Variants in DGKI observed in about 807,000 individuals in gnomAD.
The protein encoded by DGKI is DAG kinase iota.
Under a neutral mutation model 147.5 loss-of-function variants are expected in DGKI, and 55 were observed. That is an observed-to-expected ratio of 0.37 (90% CI 0.30 to 0.47). The LOEUF is 0.47. Ranked by LOEUF, DGKI falls within the 20% of genes least tolerant of loss-of-function variation. DGKI has a pLI of 1.00. For synonymous variants in DGKI, 469 were observed against 477.1 expected (o/e 0.98, Z 0.22); for missense variants, 1,007 against 1,323.8 (o/e 0.76, Z 3.71).
chr7:137,589,813 A>G (rs1452453108), intron 12 of DGKI, among the ~76,000 whole-genome samples: 1 of 152,194 alleles, frequency 6.6e-6, no homozygotes, highest in Non-Finnish European at 1.5e-5. Flanking sequence ...GGAAGAAGGC[A>G]TTCTCCTTAA....
At chr7:137,476,420 G>C (rs1226170929) in intron 23 of DGKI, among the ~76,000 whole-genome samples, 1 of 151,964 alleles carries the variant, frequency 6.6e-6, no homozygotes, top group Admixed American at 6.5e-5. Context: ...ATTAAATAAA[G>C]CTTAGACTAT....
chr7:137,423,977 T>C (rs1299670871), intron 28 of DGKI, among the ~76,000 whole-genome samples: 6 of 152,212 alleles, frequency 3.9e-5, no homozygotes, highest in African/African-American at 1.4e-4. Flanking sequence ...CAACCCATCA[T>C]CTACTTTAGG....
intron 23 of DGKI, among the ~76,000 whole-genome samples, chr7:137,469,982 G>A (rs1328442872): frequency 1.3e-5 from 2 of 152,208 alleles, no homozygotes; most frequent in East Asian, 3.8e-4. Flanking sequence ...ATAGGTCTAA[G>A]GCGCTGGCAC....
chr7:137,839,616 G>A (rs1044300648), intron 1 of DGKI, among the ~76,000 whole-genome samples: 1 of 152,210 alleles, frequency 6.6e-6, no homozygotes, highest in Non-Finnish European at 1.5e-5. Context: ...ACAGCAGGCA[G>A]AGGTGGCGCT....
chr7:137,609,133 G>T, intron 9 of DGKI, 69 bp from the exon 10 acceptor site: 1 of 1,220,680 alleles, frequency 8.2e-7, no homozygotes, highest in Non-Finnish European at 1.2e-6. Context: ...AGGCAAGGGA[G>T]GTGGAAAACC....
At chr7:137,713,469 A>G (rs1256910043) in intron 1 of DGKI, among the ~76,000 whole-genome samples, 2 of 152,244 alleles carry the variant, frequency 1.3e-5, no homozygotes, top group Non-Finnish European at 2.9e-5. Flanking sequence ...ACCCCATCCA[A>G]TAAATGAAAT....
chr7:137,631,358 A>G (rs192680599), intron 6 of DGKI, among the ~76,000 whole-genome samples: 1 of 152,352 alleles, frequency 6.6e-6, no homozygotes, highest in East Asian at 1.9e-4. Flanking sequence ...GAGGGAGAAA[A>G]GAGTCTGCTC....
intron 12 of DGKI, among the ~76,000 whole-genome samples, chr7:137,588,509 A>G (rs938766163): frequency 1.8e-4 from 25 of 140,638 alleles, no homozygotes; most frequent in African/African-American, 6.3e-4. Flanking sequence ...TGGAGTCTCA[A>G]TCGGTCGTCC....
At chr7:137,805,926 G>C (rs944810555) in intron 1 of DGKI, among the ~76,000 whole-genome samples, 1 of 152,280 alleles carries the variant, frequency 6.6e-6, no homozygotes, top group African/African-American at 2.4e-5. Flanking sequence ...ATGAGTTGGA[G>C]TGGTCTGAAC....
rs1798709704 is a variant in DGKI, at chr7:137,846,134, T to TCTC, written c.401+327_401+328insGAG. On this transcript the variant is annotated intron_variant, in intron 1 of 32. Transcript: ENST00000614521. The surrounding 1 kb of genome is among the most constrained non-coding windows in gnomAD (Gnocchi z 4.0). ...TCTGCAACCCTTTCTCTCTCTCTCT[T>TCTC]TCTCTCTCTCTCTCTCTCTCTCTCT... 2.9e-4 allele frequency among the ~76,000 whole-genome samples: 25 copies of TCTC among 85,380 alleles called. No homozygotes were observed. The highest frequency in any genetic ancestry group is 4.1e-4 in the East Asian group (1 of 2,448). 56.0% of individuals were successfully genotyped at this position (85,380 alleles called of 152,430 possible). A position where few individuals can be genotyped will look rare whatever the true frequency, so the allele number is the denominator to read the frequency against.
intron 23 of DGKI, among the ~76,000 whole-genome samples, chr7:137,477,984 T>C (rs1190945777): frequency 6.6e-6 from 1 of 152,178 alleles, no homozygotes; most frequent in Non-Finnish European, 1.5e-5. Context: ...TAAACAACAA[T>C]CCCCACATAT....
At chr7:137,662,329 T>C (rs992502800) in intron 3 of DGKI, among the ~76,000 whole-genome samples, 2 of 150,738 alleles carry the variant, frequency 1.3e-5, no homozygotes, top group Non-Finnish European at 2.9e-5. Flanking sequence ...CTGCAAGCTC[T>C]GCCTCCCGGG....
At chr7:137,843,485 C>A (rs1053152818) in intron 1 of DGKI, 2 of 961,402 alleles carry the variant, frequency 2.1e-6, no homozygotes, top group African/African-American at 1.8e-5. Flanking sequence ...AAAAAATTCT[C>A]ATGGGAAAAA....
At chr7:137,505,126 G>A (rs373290622) in intron 21 of DGKI, among the ~76,000 whole-genome samples, 9 of 150,874 alleles carry the variant, frequency 6.0e-5, no homozygotes, top group African/African-American at 1.9e-4. Context: ...GGCCTTTCTG[G>A]GGGTGGGGGG....
In DGKI at chr7:137,588,475, C is replaced by CTTTTTTTTTTTTT. The variant is rs71533759; in HGVS notation, c.1312-1278_1312-1266dup. Among the ~76,000 whole-genome samples, 60 of 116,690 alleles carry CTTTTTTTTTTTTT rather than the reference C, an allele frequency of 5.1e-4. 3 individuals carry two copies. Among genetic ancestry groups the CTTTTTTTTTTTTT allele is most frequent in the African/African-American group, 1.4e-3 (39 of 27,472 alleles). The allele number at this position is 116,690 out of a possible 152,430, so 76.6% of individuals were successfully genotyped here. ...TAACACAAAGATGGACATACCGATGCTTTTTTTTTTTTTTTTTTTGAGATG... is the reference window on the plus strand; with the variant it reads ...TAACACAAAGATGGACATACCGATGCTTTTTTTTTTTTTTTTTTTTTTTTTTTTTTTTGAGATG... On this transcript the variant is annotated intron_variant, in intron 12 of 32. Transcript: ENST00000614521.
chr7:137,523,570 T>A (rs974846869), intron 20 of DGKI, among the ~76,000 whole-genome samples: 1 of 152,040 alleles, frequency 6.6e-6, no homozygotes, highest in Non-Finnish European at 1.5e-5. Context: ...TTCACTGGCT[T>A]AAAAAAATCA....
chr7:137,427,198 G>A (rs1346573902), intron 28 of DGKI, among the ~76,000 whole-genome samples: 2 of 152,200 alleles, frequency 1.3e-5, no homozygotes, highest in Admixed American at 6.5e-5. Flanking sequence ...ATAAAAAACT[G>A]TCTCTCAGAC....
chr7:137,414,438 C>T (rs767556509), intron 28 of DGKI, among the ~76,000 whole-genome samples: 12 of 151,344 alleles, frequency 7.9e-5, no homozygotes, highest in Non-Finnish European at 1.6e-4. Context: ...ATTGTAGGTG[C>T]ACACCAATTA....
At chr7:137,593,419 A>C (rs1252660646) in intron 12 of DGKI, among the ~76,000 whole-genome samples, 1 of 152,230 alleles carries the variant, frequency 6.6e-6, no homozygotes, top group African/African-American at 2.4e-5. Flanking sequence ...GCTATTTCTC[A>C]TTTATAAACA....
Sources: allele counts gnomAD v4.1 joint callset (sites outside exome capture counted in the v4.1 genomes callset), GRCh38; gene constraint gnomAD v4.1.1; non-coding constraint Gnocchi (gnomAD v3.1); transcripts MANE v1.5; gene names NCBI Gene and HGNC (gene_info 2026-07-23, HGNC 2026-07-21).